The following TGIF1 variants were observed in gnomAD, a reference collection of about 807,000 sequenced individuals.
TGIF1 encodes the protein TGFB induced factor homeobox 1.
Under a neutral mutation model 19.3 loss-of-function variants are expected in TGIF1, and 4 were observed. That is an observed-to-expected ratio of 0.21 (90% CI 0.10 to 0.47). TGIF1 has a LOEUF of 0.47. TGIF1 is among the 20% of genes least tolerant of loss of function. The probability of loss-of-function intolerance (pLI) is 0.98; values close to 1 mark genes in which losing one functional copy is unlikely to be tolerated. For synonymous variants in TGIF1, 122 were observed against 129.3 expected (o/e 0.94, Z 0.38); for missense variants, 275 against 341.4 (o/e 0.81, Z 1.53).
intron 2 of TGIF1, among the ~76,000 whole-genome samples, chr18:3,437,522 G>A (rs1237666617): frequency 6.6e-6 from 1 of 152,186 alleles, no homozygotes; most frequent in Non-Finnish European, 1.5e-5. Context: ...TATTTTGGGA[G>A]TGGGTGAGGG....
Position 3,458,137 on chromosome 18 carries a change from G to C in TGIF1, c.*197G>C. On this transcript the variant is annotated 3_prime_UTR_variant, in exon 3 of 3. Coordinates refer to ENST00000343820, the MANE Select transcript of TGIF1 (RefSeq NM_003244.4). ...AACTTAAAGCTACTGTAGAAACAAA[G>C]GGTTTTCTTTTTTAAATGTTTCTTG... The C allele has an allele frequency of 1.8e-6, 1 of 567,568 alleles. No individual in the cohort carries two copies. Among genetic ancestry groups the C allele is most frequent in the Non-Finnish European group, 3.1e-6 (1 of 326,466 alleles). 35.2% of individuals were successfully genotyped at this position (567,568 alleles called of 1,614,324 possible).
chr18:3,446,111 G>A (rs554663415), upstream of TGIF1, among the ~76,000 whole-genome samples: 63 of 152,188 alleles, frequency 4.1e-4, no homozygotes, highest in Admixed American at 2.5e-3. Flanking sequence ...TTCATAAACT[G>A]TAAAGAATAA....
chr18:3,454,495 CT>C (rs145268339), intron 1 of TGIF1, among the ~76,000 whole-genome samples: 1 of 151,962 alleles, frequency 6.6e-6, no homozygotes, highest in East Asian at 1.9e-4. Flanking sequence ...TAACTTAACA[CT>C]TTTTTTAAAA....
chr18:3,450,729 T>A (rs541565096), intron 1 of TGIF1, among the ~76,000 whole-genome samples: 1 of 152,216 alleles, frequency 6.6e-6, no homozygotes. Flanking sequence ...TCCACGCTGC[T>A]GGCACGTTGT....
Position 3,451,392 on chromosome 18 carries a change from G to A in TGIF1, c.16+887G>A, listed in dbSNP as rs2082921697. On this transcript the variant is annotated intron_variant, in intron 1 of 2. Coordinates refer to ENST00000343820, the MANE Select transcript of TGIF1 (RefSeq NM_003244.4). The surrounding 1 kb of genome is among the most constrained non-coding windows in gnomAD (Gnocchi z 5.4). Reference sequence around the variant, plus strand: ...CCACACAAAACACCCCGAAAGGTCAGAGTGTGAAGTCCCTTTTGAAGTTAA... The same window carrying A: ...CCACACAAAACACCCCGAAAGGTCAAAGTGTGAAGTCCCTTTTGAAGTTAA... The A allele has an allele frequency of 1.0e-6, 1 of 976,836 alleles. No individual in the cohort carries two copies. 60.5% of individuals were successfully genotyped at this position (976,836 alleles called of 1,614,324 possible).
rs780454778 is a variant in TGIF1, at chr18:3,452,227, CT to C, written c.16+1723del. ...CTGGGGTCCTCCTGCGCCCCCCCTCCTCCACCGGCGCGCTGCCCACAGCCGC... is the reference window on the plus strand; with the variant it reads ...CTGGGGTCCTCCTGCGCCCCCCCTCCCCACCGGCGCGCTGCCCACAGCCGC... On this transcript the variant is annotated intron_variant, in intron 1 of 2. Coordinates refer to ENST00000343820, the MANE Select transcript of TGIF1 (RefSeq NM_003244.4). The C allele has an allele frequency of 1.1e-4, 178 of 1,608,974 alleles. No homozygotes were observed. In the Middle Eastern group the frequency reaches 1.2e-3, roughly 11 times the overall value.
At position 3,451,244 on chromosome 18, in the gene TGIF1, G is replaced by C; in HGVS notation, c.16+739G>C. ...CCAAATGTGACAAGCAGGCTTGGTT[G>C]TAAGTGCAAAGAGCAAGGCTGTCAT... is the stretch of plus-strand genomic sequence containing the variant. On this transcript the variant is annotated intron_variant, in intron 1 of 2. Transcript: ENST00000343820. This position sits in a 1 kb window ranked among gnomAD's most constrained non-coding sequence, Gnocchi z 5.4. Among the ~76,000 whole-genome samples the C allele has an allele frequency of 6.6e-6, 1 of 152,306 alleles. No homozygotes were observed. Among genetic ancestry groups the C allele is most frequent in the Non-Finnish European group, 1.5e-5 (1 of 68,018 alleles).
intron 1 of TGIF1, among the ~76,000 whole-genome samples, chr18:3,415,907 G>A (rs953198667): frequency 2.0e-5 from 3 of 152,232 alleles, no homozygotes; most frequent in Non-Finnish European, 2.9e-5. Flanking sequence ...TGAACGTGGA[G>A]TCTCTGTGTG....
chr18:3,427,571 G>A (rs548755202), intron 2 of TGIF1, among the ~76,000 whole-genome samples: 3 of 151,444 alleles, frequency 2.0e-5, no homozygotes, highest in Admixed American at 6.6e-5. Context: ...GATTACAGGC[G>A]TGAGCCACTG....
intron 2 of TGIF1, among the ~76,000 whole-genome samples, chr18:3,429,474 A>G (rs906460643): frequency 2.0e-5 from 3 of 152,140 alleles, no homozygotes; most frequent in African/African-American, 7.2e-5. Context: ...AAAAAAATGG[A>G]TAGTAAATGT....
chr18:3,428,489 G>A (rs1408042134), intron 2 of TGIF1, among the ~76,000 whole-genome samples: 2 of 152,002 alleles, frequency 1.3e-5, no homozygotes, highest in African/African-American at 4.8e-5. Flanking sequence ...TGTAATCCCA[G>A]CACTTTAGGA....
At chr18:3,450,841 T>C (rs1431435770) in intron 1 of TGIF1, among the ~76,000 whole-genome samples, 4 of 152,034 alleles carry the variant, frequency 2.6e-5, no homozygotes, top group Non-Finnish European at 5.9e-5. Context: ...TCGCTCTTTC[T>C]CGCGTGCTGG....
intron 2 of TGIF1, among the ~76,000 whole-genome samples, chr18:3,422,760 C>T (rs1055015776): frequency 2.1e-5 from 3 of 146,002 alleles, no homozygotes; most frequent in Non-Finnish European, 4.5e-5. Context: ...GCGTGATCTC[C>T]GCTCACTGCA....
At chr18:3,425,912 C>T (rs115527764) in intron 2 of TGIF1, among the ~76,000 whole-genome samples, 1 of 152,204 alleles carries the variant, frequency 6.6e-6, no homozygotes, top group Non-Finnish European at 1.5e-5. Flanking sequence ...GAATCTCTTG[C>T]GGAATTGATT....
intron 2 of TGIF1, among the ~76,000 whole-genome samples, chr18:3,435,354 G>A (rs560703970): frequency 1.9e-3 from 294 of 152,050 alleles, no homozygotes; most frequent in African/African-American, 6.7e-3. Context: ...ATGCTGCCAC[G>A]TCCGGCTAAT....
At chr18:3,440,792 A>C (rs1400278897) in intron 2 of TGIF1, among the ~76,000 whole-genome samples, 1 of 152,226 alleles carries the variant, frequency 6.6e-6, no homozygotes, top group Non-Finnish European at 1.5e-5. Context: ...AAACGGATGT[A>C]GGCTCCCTGA....
upstream of TGIF1, chr18:3,447,468 A>G: frequency 1.8e-6 from 1 of 568,062 alleles, no homozygotes; most frequent in South Asian, 2.0e-5. Context: ...AGAAAAACGA[A>G]TCAACAAAAA....
At chr18:3,455,232 G>A (rs1382430593) in intron 1 of TGIF1, 2 of 151,736 alleles carry the variant, frequency 1.3e-5, no homozygotes, top group Non-Finnish European at 2.9e-5. Context: ...TTAGTCATTC[G>A]GAGTAGCCTG....
chr18:3,449,873 G>C, upstream of TGIF1: 1 of 985,504 alleles, frequency 1.0e-6, no homozygotes, highest in African/African-American at 1.7e-5. Flanking sequence ...CGCCAGCCCC[G>C]GGAAGAAAGG....
Sources: gnomAD v4.1 joint callset for allele counts (sites outside exome capture counted in the v4.1 genomes callset) on GRCh38, gnomAD v4.1.1 for gene constraint, Gnocchi (gnomAD v3.1) non-coding constraint, MANE v1.5 for transcripts, NCBI Gene and HGNC (gene_info 2026-07-23, HGNC 2026-07-21) for gene names.